Variants in TRAPPC9 observed in about 807,000 individuals in gnomAD.
The protein encoded by TRAPPC9 is IKK2 binding protein.
In TRAPPC9, 83 loss-of-function variants were observed where a neutral mutation model predicts 124.0. The observed-to-expected ratio is 0.67, with a 90% confidence interval of 0.56 to 0.80. The LOEUF is 0.80. Ranked by LOEUF, TRAPPC9 falls within the 30% of genes least tolerant of loss-of-function variation. TRAPPC9 has a pLI of 0.00. For synonymous variants in TRAPPC9, 638 were observed against 617.5 expected (o/e 1.03, Z -0.49); for missense variants, 1,302 against 1,508.3 (o/e 0.86, Z 2.27).
chr8:139,904,630 G>C (rs765666344), intron 20 of TRAPPC9: 1 of 152,222 alleles, frequency 6.6e-6, no homozygotes, highest in African/African-American at 2.4e-5. Context: ...GTGAGTTATT[G>C]AACTTCCAAA....
intron 18 of TRAPPC9, among the ~76,000 whole-genome samples, chr8:140,008,110 G>A (rs775866405): frequency 1.3e-5 from 2 of 152,152 alleles, no homozygotes; most frequent in African/African-American, 4.8e-5. Flanking sequence ...AATAGGAATG[G>A]CAACAAAATG....
At chr8:139,975,245 G>C (rs188567470) in intron 19 of TRAPPC9, among the ~76,000 whole-genome samples, 1 of 152,208 alleles carries the variant, frequency 6.6e-6, no homozygotes, top group Non-Finnish European at 1.5e-5. Context: ...AGACAGTGGC[G>C]ACTGCTGGTC....
chr8:140,037,395 T>C (rs1330803856), intron 17 of TRAPPC9, among the ~76,000 whole-genome samples: 2 of 151,988 alleles, frequency 1.3e-5, no homozygotes, highest in Non-Finnish European at 2.9e-5. Context: ...ATAAGATACT[T>C]GGAACAAATG....
intron 17 of TRAPPC9, among the ~76,000 whole-genome samples, chr8:140,102,729 G>A (rs59302559): frequency 0.067 from 10,215 of 152,276 alleles, 418 homozygotes; most frequent in Middle Eastern, 0.12. Context: ...TCAGGAGGCC[G>A]GCCTGCAAAG....
At chr8:139,893,693 C>T (rs1157288623) in intron 20 of TRAPPC9, among the ~76,000 whole-genome samples, 1 of 152,236 alleles carries the variant, frequency 6.6e-6, no homozygotes, top group Admixed American at 6.5e-5. Flanking sequence ...ACCCACAACT[C>T]ATCTTCAGCA....
At chr8:140,228,117 G>A (rs944039202) in intron 16 of TRAPPC9, among the ~76,000 whole-genome samples, 2 of 152,244 alleles carry the variant, frequency 1.3e-5, no homozygotes, top group African/African-American at 4.8e-5. Context: ...ATGCAGGGAT[G>A]TGTCCATTTT....
rs184663888 is a variant in TRAPPC9 at position 139,823,186 on chromosome 8, C to G, written c.3055+62693G>C. Among the ~76,000 whole-genome samples, 317 of 152,260 alleles carry G rather than the reference C, an allele frequency of 2.1e-3. 3 individuals carry two copies. The highest frequency in any genetic ancestry group is 7.1e-3 in the African/African-American group (295 of 41,534). On this transcript the variant is annotated intron_variant, in intron 21 of 22. Transcript: ENST00000438773. ...GGACACATTCAGTTCGGACCAGTAC[C>G]CTTCCCAGTGCCCAGTCACCCCAGA... is the stretch of plus-strand genomic sequence containing the variant.
chr8:139,965,467 C>G (rs1835640050), intron 19 of TRAPPC9, among the ~76,000 whole-genome samples: 1 of 152,180 alleles, frequency 6.6e-6, no homozygotes, highest in Admixed American at 6.5e-5. Context: ...TCCATCAGAG[C>G]TGCAGAACTG....
intron 17 of TRAPPC9, among the ~76,000 whole-genome samples, chr8:140,038,898 G>A (rs1841083277): frequency 6.6e-6 from 1 of 152,152 alleles, no homozygotes; most frequent in Admixed American, 6.5e-5. Context: ...GCTAGACTGT[G>A]TCCCCAGAGA....
At chr8:140,421,336 G>A (rs185696938) in intron 5 of TRAPPC9, among the ~76,000 whole-genome samples, 1 of 152,308 alleles carries the variant, frequency 6.6e-6, no homozygotes, top group East Asian at 1.9e-4. Flanking sequence ...AATGGAGCCA[G>A]AATATTTTAA....
intron 19 of TRAPPC9, among the ~76,000 whole-genome samples, chr8:139,954,308 A>G (rs936617327): frequency 2.0e-5 from 3 of 152,204 alleles, no homozygotes; most frequent in Non-Finnish European, 4.4e-5. Flanking sequence ...TCAAAAAAGC[A>G]GTTGTGATGG....
At chr8:140,376,453 G>A (rs1476507500) in intron 7 of TRAPPC9, among the ~76,000 whole-genome samples, 3 of 151,458 alleles carry the variant, frequency 2.0e-5, no homozygotes, top group Non-Finnish European at 2.9e-5. Flanking sequence ...CTACTTGGGA[G>A]GCTGAGGCAG....
chr8:140,441,828 G>A (rs140736275), intron 2 of TRAPPC9, among the ~76,000 whole-genome samples: 1 of 152,104 alleles, frequency 6.6e-6, no homozygotes, highest in Non-Finnish European at 1.5e-5. Context: ...GCCTCCCACA[G>A]TGCTAGATTT....
chr8:140,064,956 A>G (rs915820528), intron 17 of TRAPPC9, among the ~76,000 whole-genome samples: 1 of 152,234 alleles, frequency 6.6e-6, no homozygotes, highest in East Asian at 1.9e-4. Context: ...TACAGTGAGA[A>G]GAAATGATCC....
chr8:140,397,820 C>G, intron 6 of TRAPPC9, 75 bp from the exon 7 acceptor site: 1 of 1,588,862 alleles, frequency 6.3e-7, no homozygotes, highest in East Asian at 2.2e-5. Flanking sequence ...GGCTGTGCTA[C>G]TGGGACTCAA....
chr8:140,249,081 A>T (rs561014149), intron 16 of TRAPPC9, among the ~76,000 whole-genome samples: 1 of 152,234 alleles, frequency 6.6e-6, no homozygotes, highest in South Asian at 2.1e-4. Context: ...TTGTTACATG[A>T]GTATACTGTG....
chr8:140,390,068 C>G (rs1398664712), intron 7 of TRAPPC9, among the ~76,000 whole-genome samples: 1 of 152,114 alleles, frequency 6.6e-6, no homozygotes, highest in Non-Finnish European at 1.5e-5. Context: ...CTTTGGGAGG[C>G]CGAGGCAGGT....
chr8:140,158,674 A>C (rs6578074), intron 17 of TRAPPC9, among the ~76,000 whole-genome samples: 129,880 of 152,210 alleles, frequency 0.85, 55,557 homozygotes, highest in East Asian at 1. Flanking sequence ...TTTGATAAAT[A>C]ACTACAACCT....
intron 18 of TRAPPC9, among the ~76,000 whole-genome samples, chr8:140,011,284 G>C (rs1289227824): frequency 6.6e-6 from 1 of 151,910 alleles, no homozygotes; most frequent in East Asian, 1.9e-4. Flanking sequence ...AGAGGTTGCA[G>C]TGAGCCAAGA....
Sources: gnomAD v4.1 joint callset for allele counts (sites outside exome capture counted in the v4.1 genomes callset) on GRCh38, gnomAD v4.1.1 for gene constraint, MANE v1.5 for transcripts, NCBI Gene and HGNC (gene_info 2026-07-23, HGNC 2026-07-21) for gene names.